The following RALGAPA2 variants were observed in gnomAD, a reference collection of about 807,000 sequenced individuals.
RALGAPA2 encodes ral GTPase-activating protein subunit alpha-2.
A neutral mutation model predicts 230.4 loss-of-function variants in RALGAPA2; 139 were observed. That is an observed-to-expected ratio of 0.60 (90% CI 0.53 to 0.69). The LOEUF is 0.69. Ranked by LOEUF, RALGAPA2 falls within the 30% of genes least tolerant of loss-of-function variation. The pLI, the probability that RALGAPA2 is intolerant of heterozygous loss-of-function variation, is 0.00. For missense variants in RALGAPA2, 2,163 were observed against 2,276.0 expected, an observed-to-expected ratio of 0.95 and a Z score of 1.01; for synonymous variants, 847 against 837.8, an observed-to-expected ratio of 1.01 and a Z score of -0.19.
At chr20:20,667,685 A>G (rs1247876182) in intron 3 of RALGAPA2, among the ~76,000 whole-genome samples, 6 of 152,142 alleles carry the variant, frequency 3.9e-5, no homozygotes, top group Non-Finnish European at 8.8e-5. Context: ...CTACCAAAGG[A>G]CGGGTGAGAA....
chr20:20,476,879 C>T (rs1291349748), intron 36 of RALGAPA2, among the ~76,000 whole-genome samples: 1 of 152,004 alleles, frequency 6.6e-6, no homozygotes, highest in African/African-American at 2.4e-5. Flanking sequence ...ACAGAATATT[C>T]CACAGTAACG....
chr20:20,402,386 A>T (rs1436917391), intron 38 of RALGAPA2, among the ~76,000 whole-genome samples: 6 of 152,222 alleles, frequency 3.9e-5, no homozygotes, highest in Non-Finnish European at 8.8e-5. Context: ...AGTTGTTTAA[A>T]GTCTCTTGAA....
At chr20:20,581,083 G>A (rs1056719148) in intron 20 of RALGAPA2, among the ~76,000 whole-genome samples, 12 of 152,116 alleles carry the variant, frequency 7.9e-5, no homozygotes, top group African/African-American at 1.2e-4. Context: ...ATTGAACTGC[G>A]TGTACTGATT....
chr20:20,702,835 A>G lies in RALGAPA2; in HGVS notation c.106+9540T>C, dbSNP rs6035675. ...ATCCATGGGCTCCTGAACTTTATCA[A>G]AAGGGATTTTTTTAACTTAACCATA... On this transcript the variant is annotated intron_variant, in intron 1 of 39. Transcript: ENST00000202677. 3.5e-3 allele frequency among the ~76,000 whole-genome samples: 535 copies of G among 152,306 alleles called. 6 individuals are homozygous for G. Among genetic ancestry groups the G allele is most frequent in the African/African-American group, 0.012 (505 of 41,568 alleles).
chr20:20,614,222 T>C (rs550858069), intron 13 of RALGAPA2, among the ~76,000 whole-genome samples: 2 of 152,254 alleles, frequency 1.3e-5, no homozygotes, highest in East Asian at 3.9e-4. Flanking sequence ...CCGTTAACTA[T>C]TTTCATCGAG....
chr20:20,695,483 C>T (rs1052705907), intron 1 of RALGAPA2, among the ~76,000 whole-genome samples: 41 of 152,200 alleles, frequency 2.7e-4, no homozygotes, highest in African/African-American at 9.4e-4. Context: ...GACCTGGGAG[C>T]CTTAGTCCAT....
intron 4 of RALGAPA2, among the ~76,000 whole-genome samples, chr20:20,649,647 A>G (rs147495938): frequency 1.1e-4 from 17 of 152,260 alleles, no homozygotes; most frequent in African/African-American, 4.1e-4. Context: ...CTCTAATACA[A>G]AATATATCCT....
At chr20:20,595,945 C>T (rs1041800134) in intron 16 of RALGAPA2, among the ~76,000 whole-genome samples, 10 of 151,778 alleles carry the variant, frequency 6.6e-5, no homozygotes, top group African/African-American at 1.9e-4. Flanking sequence ...CAAAGCAAGA[C>T]TCTATCTCAA....
At chr20:20,577,282 A>G (rs995921245) in intron 20 of RALGAPA2, among the ~76,000 whole-genome samples, 2 of 152,302 alleles carry the variant, frequency 1.3e-5, no homozygotes, top group South Asian at 2.1e-4. Context: ...AAAGGAGGGC[A>G]GGTCCAAAAA....
At chr20:20,452,252 C>T (rs902833164) in intron 37 of RALGAPA2, among the ~76,000 whole-genome samples, 1 of 152,164 alleles carries the variant, frequency 6.6e-6, no homozygotes, top group African/African-American at 2.4e-5. Flanking sequence ...GTAAGTATAA[C>T]AAATTTTATA....
intron 36 of RALGAPA2, among the ~76,000 whole-genome samples, chr20:20,492,658 T>G (rs2062092833): frequency 6.6e-6 from 1 of 152,188 alleles, no homozygotes; most frequent in Admixed American, 6.5e-5. Flanking sequence ...TGGCGGTATG[T>G]GCAGTGTGTC....
At chr20:20,540,543 G>A (rs1391025928) in intron 24 of RALGAPA2, among the ~76,000 whole-genome samples, 2 of 152,032 alleles carry the variant, frequency 1.3e-5, no homozygotes, top group African/African-American at 4.8e-5. Flanking sequence ...TTGCAAGCTG[G>A]TTTTGTATTT....
chr20:20,511,454 A>T, intron 32 of RALGAPA2, 129 bp from the exon 33 acceptor site: 1 of 1,362,990 alleles, frequency 7.3e-7, no homozygotes, highest in Non-Finnish European at 9.7e-7. Context: ...GATTTGTGAT[A>T]GAAACCTACA....
intron 15 of RALGAPA2, among the ~76,000 whole-genome samples, chr20:20,602,792 A>G (rs186616367): frequency 6.6e-6 from 1 of 151,658 alleles, no homozygotes; most frequent in African/African-American, 2.4e-5. Context: ...GGGTAGGAAG[A>G]GAATCTTGCA....
At chr20:20,628,716 T>A (rs1417724970) in intron 10 of RALGAPA2, among the ~76,000 whole-genome samples, 1 of 152,142 alleles carries the variant, frequency 6.6e-6, no homozygotes, top group Non-Finnish European at 1.5e-5. Context: ...ATTGCTAATG[T>A]CCCCTAGGGA....
intron 1 of RALGAPA2, among the ~76,000 whole-genome samples, chr20:20,684,818 C>T (rs2068643927): frequency 6.6e-6 from 1 of 152,194 alleles, no homozygotes. Context: ...ACTGTTGCAT[C>T]CCCAGCCTGA....
chr20:20,442,902 C>T (rs1183451015), intron 37 of RALGAPA2, among the ~76,000 whole-genome samples: 2 of 152,214 alleles, frequency 1.3e-5, no homozygotes, highest in Non-Finnish European at 2.9e-5. Flanking sequence ...TCATTTTTCA[C>T]ATAAATGCTA....
intron 3 of RALGAPA2, among the ~76,000 whole-genome samples, chr20:20,672,308 C>T (rs1016883851): frequency 6.6e-6 from 1 of 152,048 alleles, no homozygotes; most frequent in South Asian, 2.1e-4. Flanking sequence ...AAAAAAGAAG[C>T]CACTGTGAAT....
At chr20:20,562,099 A>T (rs1351960253) in intron 23 of RALGAPA2, among the ~76,000 whole-genome samples, 1 of 152,234 alleles carries the variant, frequency 6.6e-6, no homozygotes, top group Non-Finnish European at 1.5e-5. Flanking sequence ...AATTGCAACC[A>T]AAGTGGCTCA....
Sources: gnomAD v4.1 joint callset for allele counts (sites outside exome capture counted in the v4.1 genomes callset) on GRCh38, gnomAD v4.1.1 for gene constraint, MANE v1.5 for transcripts, NCBI Gene and HGNC (gene_info 2026-07-23, HGNC 2026-07-21) for gene names.